RPS6KA2: variants seen among roughly 807,000 people sequenced by gnomAD.
The protein encoded by RPS6KA2 is ribosomal protein S6 kinase A2.
RPS6KA2 carries 42 observed loss-of-function variants against 91.8 expected under a neutral mutation model. The observed-to-expected ratio is 0.46, with a 90% CI of 0.36 to 0.59. RPS6KA2 has a LOEUF of 0.59. RPS6KA2 is among the 20% of genes least tolerant of loss of function. RPS6KA2 has a pLI of 0.00. For synonymous variants in RPS6KA2, 414 were observed against 393.6 expected, an observed-to-expected ratio of 1.05 and a Z score of -0.61; for missense variants, 798 against 978.5, an observed-to-expected ratio of 0.82 and a Z score of 2.46.
chr6:166,606,467 C>A (rs1042843556), intron 1 of RPS6KA2, among the ~76,000 whole-genome samples: 2 of 151,940 alleles, frequency 1.3e-5, no homozygotes, highest in African/African-American at 4.8e-5. Context: ...CCTTTCAAAG[C>A]GACTGCAAAT....
At chr6:166,438,485 T>A (rs957368042) in intron 14 of RPS6KA2, among the ~76,000 whole-genome samples, 2 of 152,348 alleles carry the variant, frequency 1.3e-5, no homozygotes, top group Non-Finnish European at 2.9e-5. Flanking sequence ...TTATTTCTTA[T>A]CAGATTCTGT....
intron 8 of RPS6KA2, among the ~76,000 whole-genome samples, chr6:166,497,432 C>T (rs1339875721): frequency 2.6e-5 from 4 of 152,238 alleles, no homozygotes; most frequent in African/African-American, 4.8e-5. Flanking sequence ...TCTCCGACTG[C>T]GAACTGGCTT....
chr6:166,792,167 G>T (rs538509925), intron 2 of RPS6KA2, among the ~76,000 whole-genome samples: 1 of 152,066 alleles, frequency 6.6e-6, no homozygotes, highest in Non-Finnish European at 1.5e-5. Flanking sequence ...AGTGATAAAG[G>T]CGATATCATC....
At position 166,678,517 on chromosome 6, in the gene RPS6KA2, CTCTT is replaced by C. The variant is rs111970508; in HGVS notation, c.124-139737_124-139734del. Among the ~76,000 whole-genome samples, 934 of 152,360 alleles carry C rather than the reference CTCTT, an allele frequency of 6.1e-3. 11 individuals carry two copies. Among genetic ancestry groups the C allele is most frequent in the African/African-American group, 0.021 (874 of 41,580 alleles). On this transcript the variant is annotated intron_variant, in intron 2 of 21. Transcript: ENST00000503859. ...TCAGTTTCCTGCCTTCAATCCTTCT[CTCTT>C]TTATTTCACAGAAGGAACTTTGGTT...
chr6:166,464,632 C>T (rs62440467), intron 11 of RPS6KA2, among the ~76,000 whole-genome samples: 11 of 152,182 alleles, frequency 7.2e-5, no homozygotes, highest in Non-Finnish European at 1.5e-4. Flanking sequence ...GTGCTGTCTG[C>T]AGTGATTAAC....
intron 12 of RPS6KA2, among the ~76,000 whole-genome samples, chr6:166,453,841 C>T (rs1779996959): frequency 6.6e-6 from 1 of 152,142 alleles, no homozygotes; most frequent in Non-Finnish European, 1.5e-5. Context: ...AAATGTGGTA[C>T]ATATACGCAA....
At chr6:166,467,469 G>T (rs1456140941) in intron 11 of RPS6KA2, among the ~76,000 whole-genome samples, 1 of 152,246 alleles carries the variant, frequency 6.6e-6, no homozygotes, top group Non-Finnish European at 1.5e-5. Flanking sequence ...GGGGGCTGGG[G>T]TGCTGGGAGA....
In RPS6KA2 at chr6:166,494,667, A is replaced by T. The variant is rs1164609397; in HGVS notation, c.747+3841T>A. 6.6e-6 allele frequency among the ~76,000 whole-genome samples: 1 copy of T among 152,150 alleles called. No individual in the cohort carries two copies. Among genetic ancestry groups the T allele is most frequent in the Non-Finnish European group, 1.5e-5 (1 of 68,028 alleles). On this transcript the variant is annotated intron_variant, in intron 8 of 20. Transcript: ENST00000265678. This position sits in a 1 kb window ranked among gnomAD's most constrained non-coding sequence, Gnocchi z 5.1. ...CGTTCTTCTCCAGGTACCAGCTCCT[A>T]ATTTCAGACACGGAATTTTATTCAG...
chr6:166,548,670 T>C (rs1583268546), intron 1 of RPS6KA2, among the ~76,000 whole-genome samples: 1 of 152,344 alleles, frequency 6.6e-6, no homozygotes, highest in East Asian at 1.9e-4. Context: ...TTCCATCTCT[T>C]ATACAATAAT....
intron 2 of RPS6KA2, among the ~76,000 whole-genome samples, chr6:166,761,424 A>G (rs911199704): frequency 2.0e-5 from 3 of 152,244 alleles, no homozygotes; most frequent in African/African-American, 7.2e-5. Flanking sequence ...TAAAGACATT[A>G]TTTTGAAAAC....
chr6:166,606,233 A>G (rs1386742321), intron 1 of RPS6KA2, among the ~76,000 whole-genome samples: 7 of 152,246 alleles, frequency 4.6e-5, no homozygotes, highest in Non-Finnish European at 1.0e-4. Flanking sequence ...GAGACCCACA[A>G]GGTCGGAGTG....
At chr6:166,657,340 CA>C (rs11309693) in intron 2 of RPS6KA2, among the ~76,000 whole-genome samples, 49,735 of 143,098 alleles carry the variant, frequency 0.35, 8,491 homozygotes, top group African/African-American at 0.45. Flanking sequence ...CAAAACAGAA[CA>C]AAAAAAAAAA....
In RPS6KA2 at chr6:166,437,782, G is replaced by A. The variant is rs553110223; in HGVS notation, c.1333-5292C>T. Among the ~76,000 whole-genome samples, 126 of 152,262 alleles carry A rather than the reference G, an allele frequency of 8.3e-4. No individual in the cohort carries two copies. The highest frequency in any genetic ancestry group is 3.4e-3 in the Middle Eastern group (1 of 294). ...ACTGCCATTCCTGCTGGCCGAAGGC[G>A]ACAACAGGAGACTTCGCTGCTCTTG... On this transcript the variant is annotated intron_variant, in intron 14 of 20. Coordinates refer to ENST00000265678, the MANE Select transcript of RPS6KA2 (RefSeq NM_021135.6). This position sits in a 1 kb window ranked among gnomAD's most constrained non-coding sequence, Gnocchi z 4.3.
chr6:166,813,707 C>T (rs930430933), intron 2 of RPS6KA2, among the ~76,000 whole-genome samples: 2 of 152,194 alleles, frequency 1.3e-5, no homozygotes, highest in African/African-American at 4.8e-5. Flanking sequence ...CGTCACGAGG[C>T]TTTCTCCCTG....
intron 3 of RPS6KA2, among the ~76,000 whole-genome samples, chr6:166,528,348 G>A (rs1333070952): frequency 6.6e-6 from 1 of 151,972 alleles, no homozygotes; most frequent in Non-Finnish European, 1.5e-5. Flanking sequence ...AATGGTGCTG[G>A]GAAAACTGGC....
chr6:166,518,428 G>T (rs1209578271), intron 3 of RPS6KA2, among the ~76,000 whole-genome samples: 2 of 151,354 alleles, frequency 1.3e-5, no homozygotes, highest in African/African-American at 4.9e-5. Flanking sequence ...AAAATTAAAA[G>T]GCAAACAAAA....
At chr6:166,686,316 G>A (rs1259322388) in intron 2 of RPS6KA2, among the ~76,000 whole-genome samples, 1 of 152,152 alleles carries the variant, frequency 6.6e-6, no homozygotes, top group African/African-American at 2.4e-5. Context: ...CCTACTGTGG[G>A]ACCCTCTGGC....
chr6:166,475,029 C>T (rs1372082786), intron 10 of RPS6KA2, among the ~76,000 whole-genome samples: 2 of 152,160 alleles, frequency 1.3e-5, no homozygotes, highest in Admixed American at 1.3e-4. Flanking sequence ...TTTGAAGTCC[C>T]TGGATTTGCA....
intron 1 of RPS6KA2, among the ~76,000 whole-genome samples, chr6:166,622,768 C>A (rs771829735): frequency 1.3e-5 from 2 of 152,142 alleles, no homozygotes; most frequent in Non-Finnish European, 2.9e-5. Context: ...CTGTGACCAC[C>A]AGAAATAGAA....
Sources: allele counts gnomAD v4.1 joint callset (sites outside exome capture counted in the v4.1 genomes callset), GRCh38; gene constraint gnomAD v4.1.1; non-coding constraint Gnocchi (gnomAD v3.1); transcripts MANE v1.5; gene names NCBI Gene and HGNC (gene_info 2026-07-23, HGNC 2026-07-21).